CHST8: variants seen among roughly 807,000 people sequenced by gnomAD.
CHST8 encodes the protein GALNAC-4-ST1.
In CHST8, 10 loss-of-function variants were observed where a neutral mutation model predicts 15.0. That is an observed-to-expected ratio of 0.67 (90% CI 0.41 to 1.13). The LOEUF (loss-of-function observed/expected upper bound fraction) is 1.13, where lower values mean the gene tolerates loss of function less well. Among genes scored for constraint, CHST8 ranks in the 50% most tolerant of loss-of-function variants. The pLI is 0.00. For synonymous variants in CHST8, 259 were observed against 256.6 expected (o/e 1.01, Z -0.09); for missense variants, 634 against 608.2 (o/e 1.04, Z -0.45).
At chr19:33,630,597 G>T in intron 1 of CHST8, among the ~76,000 whole-genome samples, 1 of 151,646 alleles carries the variant, frequency 6.6e-6, no homozygotes, top group South Asian at 2.1e-4. Context: ...TGTGGTGCAG[G>T]CAGTCTGTCT....
At chr19:33,639,667 C>A (rs917145186) in intron 1 of CHST8, among the ~76,000 whole-genome samples, 3 of 151,972 alleles carry the variant, frequency 2.0e-5, no homozygotes, top group African/African-American at 7.2e-5. Flanking sequence ...AGGGTAAAGT[C>A]TTGGGACCGG....
intron 1 of CHST8, among the ~76,000 whole-genome samples, chr19:33,641,581 T>C (rs1568311761): frequency 1.3e-5 from 2 of 152,118 alleles, no homozygotes; most frequent in East Asian, 1.9e-4. Context: ...CTGGTTCCCA[T>C]AGCTGAAGAT....
intron 3 of CHST8, among the ~76,000 whole-genome samples, chr19:33,720,402 C>T (rs1487340903): frequency 1.3e-5 from 2 of 151,644 alleles, no homozygotes; most frequent in South Asian, 2.1e-4. Flanking sequence ...ACCACACACC[C>T]CGCACACATG....
At chr19:33,704,770 G>A (rs1244226855) in intron 3 of CHST8, among the ~76,000 whole-genome samples, 2 of 152,042 alleles carry the variant, frequency 1.3e-5, no homozygotes, top group Non-Finnish European at 2.9e-5. Context: ...TTTAGCCGGA[G>A]TTGGTGGCAG....
At chr19:33,747,872 C>T (rs1345900055) in intron 3 of CHST8, among the ~76,000 whole-genome samples, 1 of 152,112 alleles carries the variant, frequency 6.6e-6, no homozygotes, top group Non-Finnish European at 1.5e-5. Context: ...GTTCCTAGCT[C>T]TTTGTGGAGG....
chr19:33,687,622 GTTAA>G (rs1187719741), intron 2 of CHST8, among the ~76,000 whole-genome samples: 1 of 152,188 alleles, frequency 6.6e-6, no homozygotes, highest in African/African-American at 2.4e-5. Flanking sequence ...CCTGGGGCGG[GTTAA>G]TTAAAGTTAA....
In CHST8 at chr19:33,755,189, C is replaced by CT. The variant is rs1197126967; in HGVS notation, c.131-16224_131-16223insT. On this transcript the variant is annotated intron_variant, in intron 3 of 4. Coordinates refer to ENST00000650847, the MANE Select transcript of CHST8 (RefSeq NM_001127895.2). ...CACAGATTTTCACAGAAGCCTCTGG[C>CT]ACTGGAAACCTTCTGATGCCCCTGT... Among the ~76,000 whole-genome samples the CT allele has an allele frequency of 2.0e-3, 311 of 152,308 alleles. 1 individual carries two copies. The highest frequency in any genetic ancestry group is 7.3e-3 in the African/African-American group (302 of 41,562).
At chr19:33,690,394 G>T (rs982117826) in intron 3 of CHST8, among the ~76,000 whole-genome samples, 6 of 152,174 alleles carry the variant, frequency 3.9e-5, no homozygotes, top group Non-Finnish European at 7.4e-5. Flanking sequence ...ACAGGAAGGG[G>T]TCTTACTCTG....
chr19:33,753,164 C>T (rs555274943), intron 3 of CHST8, among the ~76,000 whole-genome samples: 11 of 152,054 alleles, frequency 7.2e-5, no homozygotes, highest in Middle Eastern at 3.4e-3. Flanking sequence ...CCCGTGGGAA[C>T]GGCACAGCCA....
intron 2 of CHST8, among the ~76,000 whole-genome samples, chr19:33,681,531 T>G (rs982636767): frequency 6.6e-6 from 1 of 152,106 alleles, no homozygotes; most frequent in Non-Finnish European, 1.5e-5. Context: ...AGTTCCCTGG[T>G]GAGGGACAGG....
chr19:33,765,220 CT>C (rs1974809964), intron 3 of CHST8, among the ~76,000 whole-genome samples: 2 of 151,906 alleles, frequency 1.3e-5, no homozygotes, highest in South Asian at 4.2e-4. Context: ...GATTGATCTT[CT>C]GTTGTTGCAA....
chr19:33,646,354 G>GGGTCACAAGATCATTTGAGC (rs1462868682), intron 1 of CHST8, among the ~76,000 whole-genome samples: 1 of 152,060 alleles, frequency 6.6e-6, no homozygotes, highest in Non-Finnish European at 1.5e-5. Flanking sequence ...TTCCGGGTGG[G>GGGTCACAAGATCATTTGAGC]GGTCACAAGA....
chr19:33,725,395 T>C (rs1401083961), intron 3 of CHST8, among the ~76,000 whole-genome samples: 1 of 152,018 alleles, frequency 6.6e-6, no homozygotes, highest in African/African-American at 2.4e-5. Flanking sequence ...ATGAAATCTG[T>C]GAAAGGTGAA....
chr19:33,639,478 C>G (rs146134223), intron 1 of CHST8, among the ~76,000 whole-genome samples: 127 of 152,132 alleles, frequency 8.3e-4, no homozygotes, highest in African/African-American at 2.7e-3. Flanking sequence ...GCCTGATGCA[C>G]GCAGCAAGTC....
At chr19:33,661,591 C>T (rs1405291415) in intron 1 of CHST8, among the ~76,000 whole-genome samples, 1 of 152,206 alleles carries the variant, frequency 6.6e-6, no homozygotes, top group African/African-American at 2.4e-5. Flanking sequence ...GGGGTGATGC[C>T]CACTGCCTCA....
At chr19:33,700,423 C>T (rs916007941) in intron 3 of CHST8, among the ~76,000 whole-genome samples, 1 of 152,238 alleles carries the variant, frequency 6.6e-6, no homozygotes, top group Non-Finnish European at 1.5e-5. Context: ...TCTTCCTGAA[C>T]AGCGCCCAAG....
At chr19:33,675,945 C>T (rs1568323302) in intron 2 of CHST8, among the ~76,000 whole-genome samples, 1 of 152,302 alleles carries the variant, frequency 6.6e-6, no homozygotes, top group East Asian at 1.9e-4. Context: ...GAGTGGCAGC[C>T]CAGCAGGACC....
At chr19:33,681,075 G>T (rs925279523) in intron 2 of CHST8, among the ~76,000 whole-genome samples, 2 of 152,246 alleles carry the variant, frequency 1.3e-5, no homozygotes, top group East Asian at 3.9e-4. Context: ...TCCCCACAAG[G>T]ATCCTCGTGT....
chr19:33,650,518 CTTTTTTT>C (rs869057036), intron 1 of CHST8, among the ~76,000 whole-genome samples: 3 of 36,104 alleles, frequency 8.3e-5, no homozygotes, highest in South Asian at 1.1e-3. Context: ...TTTTTCTTTT[CTTTTTTT>C]TTTTTTTTTT....
Sources: allele counts gnomAD v4.1 joint callset (sites outside exome capture counted in the v4.1 genomes callset), GRCh38; gene constraint gnomAD v4.1.1; transcripts MANE v1.5; gene names NCBI Gene and HGNC (gene_info 2026-07-23, HGNC 2026-07-21).